The following C10orf90 variants were observed in gnomAD, a reference collection of about 807,000 sequenced individuals.
The protein encoded by C10orf90 is chromosome 10 open reading frame 90, also known as (E2-independent) E3 ubiquitin-conjugating enzyme FATS.
C10orf90 carries 56 observed loss-of-function variants against 62.5 expected under a neutral mutation model. That is an observed-to-expected ratio of 0.90 (90% CI 0.72 to 1.12). The LOEUF (loss-of-function observed/expected upper bound fraction) is 1.12. Among genes scored for constraint, C10orf90 ranks in the 50% most tolerant of loss-of-function variants. The pLI is 0.00. For missense variants in C10orf90, 970 were observed against 880.4 expected (o/e 1.10, Z -1.29); for synonymous variants, 386 against 340.4 (o/e 1.13, Z -1.47).
intron 1 of C10orf90, among the ~76,000 whole-genome samples, chr10:126,661,412 G>T (rs981594679): frequency 6.6e-6 from 1 of 152,186 alleles, no homozygotes; most frequent in Non-Finnish European, 1.5e-5. Context: ...GGCTCAAAGA[G>T]AACAAGAAAA....
chr10:126,521,418 T>C, intron 2 of C10orf90: 1 of 1,589,068 alleles, frequency 6.3e-7, no homozygotes, highest in Admixed American at 1.7e-5. Context: ...GTCCGGAGTT[T>C]ACCTCTGTGG....
At chr10:126,442,943 A>T (rs1166903256) in intron 7 of C10orf90, among the ~76,000 whole-genome samples, 4 of 151,986 alleles carry the variant, frequency 2.6e-5, no homozygotes, top group African/African-American at 7.2e-5. Flanking sequence ...GATGGAAATT[A>T]AAAAATTCAT....
intron 4 of C10orf90, among the ~76,000 whole-genome samples, chr10:126,502,130 A>AAC (rs139967305): frequency 6.7e-5 from 10 of 149,468 alleles, no homozygotes; most frequent in Non-Finnish European, 1.0e-4. Flanking sequence ...ACACACACAC[A>AAC]ACACACACAC....
At chr10:126,490,955 T>C (rs1230865842) in intron 4 of C10orf90, among the ~76,000 whole-genome samples, 3 of 152,122 alleles carry the variant, frequency 2.0e-5, no homozygotes, top group African/African-American at 7.2e-5. Context: ...AAAACACTAC[T>C]AAGTGCATGT....
At chr10:126,446,208 G>C (rs1858768653) in intron 7 of C10orf90, among the ~76,000 whole-genome samples, 1 of 151,780 alleles carries the variant, frequency 6.6e-6, no homozygotes, top group Admixed American at 6.6e-5. Context: ...GAAAGGGACA[G>C]AAAGCTTATT....
intron 7 of C10orf90, among the ~76,000 whole-genome samples, chr10:126,451,812 T>G (rs899587986): frequency 1.3e-5 from 2 of 151,934 alleles, no homozygotes; most frequent in Non-Finnish European, 2.9e-5. Context: ...TTATGCTAAG[T>G]GAAATAAACC....
At chr10:126,439,147 T>A (rs1047607478) in intron 7 of C10orf90, among the ~76,000 whole-genome samples, 2 of 152,102 alleles carry the variant, frequency 1.3e-5, no homozygotes, top group African/African-American at 4.8e-5. Context: ...TCAAAGACCC[T>A]AAGAACCCTT....
At chr10:126,432,792 A>G (rs1174885852) in intron 7 of C10orf90, among the ~76,000 whole-genome samples, 3 of 152,228 alleles carry the variant, frequency 2.0e-5, no homozygotes, top group Non-Finnish European at 4.4e-5. Flanking sequence ...GTGTGTTGGC[A>G]TTGGAATCTC....
chr10:126,550,043 C>T (rs12258918), intron 2 of C10orf90, among the ~76,000 whole-genome samples: 50,011 of 150,942 alleles, frequency 0.33, 8,445 homozygotes, highest in East Asian at 0.41. Flanking sequence ...GCAACATCAG[C>T]CTCCCGGGTT....
intron 4 of C10orf90, among the ~76,000 whole-genome samples, chr10:126,503,579 T>C (rs1374789037): frequency 6.6e-6 from 1 of 152,198 alleles, no homozygotes; most frequent in Non-Finnish European, 1.5e-5. Context: ...ACGCAGATGT[T>C]TGGCGAGAGA....
intron 4 of C10orf90, among the ~76,000 whole-genome samples, chr10:126,476,378 C>A (rs1415613514): frequency 6.6e-6 from 1 of 152,174 alleles, no homozygotes; most frequent in African/African-American, 2.4e-5. Flanking sequence ...TTTTGACAAT[C>A]AGAATTGGAG....
chr10:126,476,929 AG>A (rs1265639869), intron 4 of C10orf90, among the ~76,000 whole-genome samples: 1 of 58,810 alleles, frequency 1.7e-5, no homozygotes, highest in Non-Finnish European at 3.3e-5. Context: ...TTTTTTTTTG[AG>A]GGGGAGTCTC....
intron 2 of C10orf90, among the ~76,000 whole-genome samples, chr10:126,526,495 C>A (rs544160020): frequency 6.6e-6 from 1 of 152,136 alleles, no homozygotes; most frequent in Non-Finnish European, 1.5e-5. Flanking sequence ...CCGCCCGCCT[C>A]GGCCTCCCAA....
chr10:126,480,152 T>C (rs538391509), intron 4 of C10orf90, among the ~76,000 whole-genome samples: 1 of 152,238 alleles, frequency 6.6e-6, no homozygotes, highest in Non-Finnish European at 1.5e-5. Flanking sequence ...CTTGTGATTA[T>C]GTATGGCCAA....
chr10:126,550,360 A>G (rs1031035934), intron 2 of C10orf90, among the ~76,000 whole-genome samples: 1 of 152,176 alleles, frequency 6.6e-6, no homozygotes, highest in African/African-American at 2.4e-5. Flanking sequence ...GAGTGTGACT[A>G]TAGAAGATCA....
At chr10:126,454,731 T>G (rs2134082193) in intron 7 of C10orf90, among the ~76,000 whole-genome samples, 1 of 152,244 alleles carries the variant, frequency 6.6e-6, no homozygotes, top group East Asian at 1.9e-4. Flanking sequence ...ATTCATCCTG[T>G]AAGGCAGAGC....
chr10:126,461,289 G>C (rs545827690), intron 6 of C10orf90, 112 bp downstream of exon 6: 64 of 1,251,500 alleles, frequency 5.1e-5, no homozygotes, highest in Non-Finnish European at 7.0e-5. Context: ...CTGCTACAAA[G>C]TGAAATCAGG....
chr10:126,630,916 T>C lies in C10orf90; in HGVS notation c.313+15649A>G, dbSNP rs147052460. On this transcript the variant is annotated intron_variant, in intron 2 of 9. Coordinates refer to ENST00000488181, the MANE Select transcript of C10orf90 (RefSeq NM_001350921.2). ...AACTGGGACAGCTGCTGCAGGCCTC[T>C]GATGTGTTTCCAGCGTTCACTCCTG... 8.5e-5 allele frequency among the ~76,000 whole-genome samples: 13 copies of C among 152,304 alleles called. 1 individual carries two copies. Among genetic ancestry groups the C allele is most frequent in the African/African-American group, 3.1e-4 (13 of 41,568 alleles).
At chr10:126,624,193 A>G (rs1315637916) in intron 2 of C10orf90, among the ~76,000 whole-genome samples, 1 of 152,188 alleles carries the variant, frequency 6.6e-6, no homozygotes, top group Non-Finnish European at 1.5e-5. Context: ...CAAAAATACA[A>G]AAATTAGCTG....
Sources: gnomAD v4.1 joint callset for allele counts (sites outside exome capture counted in the v4.1 genomes callset) on GRCh38, gnomAD v4.1.1 for gene constraint, MANE v1.5 for transcripts, NCBI Gene and HGNC (gene_info 2026-07-23, HGNC 2026-07-21) for gene names.